Variants in UTP4 observed in about 807,000 individuals in gnomAD.
UTP4 encodes the protein UTP4 small subunit processome component, also known as U3 small nucleolar RNA-associated protein 4 homolog.
In UTP4, 45 loss-of-function variants were observed where a neutral mutation model predicts 82.4. That is an observed-to-expected ratio of 0.55 (90% CI 0.43 to 0.70). The LOEUF (loss-of-function observed/expected upper bound fraction) is 0.70, where lower values mean the gene tolerates loss of function less well. Ranked by LOEUF, UTP4 falls within the 30% of genes least tolerant of loss-of-function variation. The probability of loss-of-function intolerance (pLI) is 0.00; values close to 1 mark genes in which losing one functional copy is unlikely to be tolerated. For synonymous variants in UTP4, 348 were observed against 300.3 expected, an observed-to-expected ratio of 1.16 and a Z score of -1.64; for missense variants, 819 against 858.3, an observed-to-expected ratio of 0.95 and a Z score of 0.57.
At chr16:69,154,341 A>C (rs1963353237) in intron 9 of UTP4, 52 bp from the exon 10 acceptor site, 1 of 1,409,040 alleles carries the variant, frequency 7.1e-7, no homozygotes, top group Non-Finnish European at 1.0e-6. Flanking sequence ...AGAAAAATGT[A>C]CAAATACTCT....
intron 9 of UTP4, among the ~76,000 whole-genome samples, 190 bp from the exon 10 acceptor site, chr16:69,154,203 A>C (rs563129103): frequency 6.6e-6 from 1 of 152,352 alleles, no homozygotes; most frequent in African/African-American, 2.4e-5. Context: ...AGAGGATAGA[A>C]GCAAAAGAAG....
Position 69,133,439 on chromosome 16 carries a change from C to G in UTP4, c.-2-19C>G. On this transcript the variant is annotated intron_variant, in intron 1 of 16. Transcript: ENST00000314423. ...TGCAGTTAACATATAGCAATAATGACTCTCTTTTCGCCCCCTAGGAATGGG... is the reference window on the plus strand; with the variant it reads ...TGCAGTTAACATATAGCAATAATGAGTCTCTTTTCGCCCCCTAGGAATGGG... 1 of 1,613,154 alleles carries G rather than the reference C, an allele frequency of 6.2e-7. No homozygotes were observed. The highest frequency in any genetic ancestry group is 8.5e-7 in the Non-Finnish European group (1 of 1,179,296).
chr16:69,149,764 T>G (rs1963210865), intron 6 of UTP4, among the ~76,000 whole-genome samples: 3 of 152,098 alleles, frequency 2.0e-5, no homozygotes, highest in African/African-American at 7.2e-5. Flanking sequence ...AGTCTCGCCC[T>G]GTTGCCCAGG....
chr16:69,149,241 A>T (rs1963197576), intron 6 of UTP4, among the ~76,000 whole-genome samples: 1 of 152,094 alleles, frequency 6.6e-6, no homozygotes, highest in Admixed American at 6.5e-5. Flanking sequence ...TTAACCAGGC[A>T]TGGTGGCGCA....
chr16:69,141,176 C>T (rs921260982), intron 5 of UTP4, among the ~76,000 whole-genome samples: 11 of 152,214 alleles, frequency 7.2e-5, no homozygotes, highest in Non-Finnish European at 1.5e-5. Context: ...CTGACCCACT[C>T]CCATCTGGCT....
At chr16:69,154,815 G>A (rs964457018) in intron 10 of UTP4, among the ~76,000 whole-genome samples, 7 of 151,710 alleles carry the variant, frequency 4.6e-5, no homozygotes, top group Admixed American at 3.3e-4. Flanking sequence ...CGAAACCTCC[G>A]CCTCCTGGGT....
intron 16 of UTP4, 101 bp from the exon 17 acceptor site, chr16:69,168,720 A>G (rs965233516): frequency 1.5e-5 from 12 of 815,678 alleles, no homozygotes; most frequent in African/African-American, 5.0e-5. Flanking sequence ...GCCTTGAACT[A>G]GGCTAACCTT....
intron 1 of UTP4, 41 bp downstream of exon 1, chr16:69,132,730 G>T (rs1282007875): frequency 2.0e-5 from 5 of 251,974 alleles, no homozygotes; most frequent in African/African-American, 4.8e-5. Context: ...TGCGAGAGCT[G>T]GGGGGGTCTT....
intron 4 of UTP4, 163 bp downstream of exon 4, chr16:69,138,048 A>G (rs1283841387): frequency 1.6e-6 from 1 of 628,726 alleles, no homozygotes; most frequent in South Asian, 1.8e-5. Context: ...GGCTTTACCC[A>G]TTGTATAGCA....
intron 3 of UTP4, 75 bp downstream of exon 3, chr16:69,136,962 A>G (rs1962829745): frequency 7.9e-7 from 1 of 1,270,044 alleles, no homozygotes. Flanking sequence ...CTGTGCTCAT[A>G]GGAGAGTAAC....
In UTP4 at chr16:69,155,885, T is replaced by C; in HGVS notation, c.1179T>C (p.Ile393=). 6.2e-7 allele frequency: 1 copy of C among 1,614,172 alleles called. No homozygotes were observed. ...GATATTGCCAGGGTCCTGAGAACAT[T>C]ATCTGTAGCTGTATCTCCCCATGTG... ...LHLKTKGPEN[I]ICSCISPCGS... is the part of the protein sequence containing the mutation. The change falls in exon 11 of 17, where the codon ATT becomes ATC. Residue 393 remains isoleucine, a synonymous_variant. Coordinates refer to ENST00000314423, the MANE Select transcript of UTP4 (RefSeq NM_032830.3).
intron 12 of UTP4, among the ~76,000 whole-genome samples, chr16:69,159,792 A>G (rs980123604): frequency 2.0e-5 from 3 of 152,116 alleles, no homozygotes; most frequent in Admixed American, 2.0e-4. Context: ...GTTCAAGACC[A>G]GCCCAGCCAA....
chr16:69,134,343 G>A (rs1962748318), intron 2 of UTP4, among the ~76,000 whole-genome samples: 1 of 152,112 alleles, frequency 6.6e-6, no homozygotes, highest in African/African-American at 2.4e-5. Flanking sequence ...CTCGGTGAAT[G>A]AGTGGCAAAT....
chr16:69,145,888 G>T (rs1963095924), intron 6 of UTP4, among the ~76,000 whole-genome samples: 2 of 152,012 alleles, frequency 1.3e-5, no homozygotes, highest in South Asian at 4.1e-4. Context: ...TTCCTTATCT[G>T]TGAAAAAGGT....
At chr16:69,153,547 T>G (rs1325316136) in intron 8 of UTP4, 37 bp from the exon 9 acceptor site, 1 of 1,506,466 alleles carries the variant, frequency 6.6e-7, no homozygotes, top group Non-Finnish European at 9.2e-7. Context: ...TAGATGACCC[T>G]GACTTATTTT....
chr16:69,157,074 T>TCAC lies in UTP4; in HGVS notation c.1288-8_1288-6dup, dbSNP rs763409877. The TCAC allele has an allele frequency of 6.2e-7, 1 of 1,614,096 alleles. No homozygotes were observed. The highest frequency in any genetic ancestry group is 1.3e-5 in the African/African-American group (1 of 74,942). On this transcript the variant is annotated splice_polypyrimidine_tract_variant and intron_variant, in intron 11 of 16. Coordinates refer to ENST00000314423, the MANE Select transcript of UTP4 (RefSeq NM_032830.3). ...TCTCTCACTGGCTTTTATTATTGGT[T>TCAC]CACCCAAAGGTTTCCAAAATGCCAG...
chr16:69,162,119 C>A (rs1348117874), intron 13 of UTP4, among the ~76,000 whole-genome samples: 1 of 151,986 alleles, frequency 6.6e-6, no homozygotes, highest in Admixed American at 6.6e-5. Context: ...AGGTGCACGC[C>A]ACCACACCCA....
rs556014760 is a variant in UTP4 at position 69,156,982 on chromosome 16, G to A, written c.1288-102G>A. The A allele has an allele frequency of 2.0e-4, 244 of 1,240,602 alleles. No homozygotes were observed. In the African/African-American group the frequency reaches 3.1e-3, roughly 16 times the overall value. 76.8% of individuals were successfully genotyped at this position (1,240,602 alleles called of 1,614,324 possible). ...TGTGCCGAGTCAGTTGGCTTACTTA[G>A]AGACAGGAAGCATTAATGTACCTTA... On this transcript the variant is annotated intron_variant, in intron 11 of 16. Transcript: ENST00000314423.
At chr16:69,142,744 A>G (rs760549602) in intron 5 of UTP4, among the ~76,000 whole-genome samples, 1 of 152,200 alleles carries the variant, frequency 6.6e-6, no homozygotes, top group Non-Finnish European at 1.5e-5. Context: ...GATTTTGGAA[A>G]AGAGCAGAGT....
Sources: allele counts gnomAD v4.1 joint callset (sites outside exome capture counted in the v4.1 genomes callset), GRCh38; gene constraint gnomAD v4.1.1; transcripts MANE v1.5; gene names NCBI Gene and HGNC (gene_info 2026-07-23, HGNC 2026-07-21).